Variants in TCF4 observed in about 807,000 individuals in gnomAD.
TCF4 encodes transcription factor 4, also known as SL3-3 enhancer factor 2.
In TCF4, 3 loss-of-function variants were observed where a neutral mutation model predicts 82.1. The observed-to-expected ratio is 0.04, with a 90% CI of 0.02 to 0.09. The LOEUF (loss-of-function observed/expected upper bound fraction) is 0.09, where lower values mean the gene tolerates loss of function less well. Among genes scored for constraint, TCF4 ranks in the 10% least tolerant of loss-of-function variants. The pLI is 1.00. For synonymous variants in TCF4, 276 were observed against 309.6 expected, an observed-to-expected ratio of 0.89 and a Z score of 1.14; for missense variants, 518 against 852.7, an observed-to-expected ratio of 0.61 and a Z score of 4.89.
At chr18:55,509,818 G>A (rs1298990420) in intron 3 of TCF4, among the ~76,000 whole-genome samples, 1 of 152,052 alleles carries the variant, frequency 6.6e-6, no homozygotes, top group East Asian at 1.9e-4. Context: ...AGGGGCGGGG[G>A]GAAATCACAG....
intron 8 of TCF4, among the ~76,000 whole-genome samples, chr18:55,283,988 A>G (rs2063157117): frequency 6.6e-6 from 1 of 152,186 alleles, no homozygotes. Flanking sequence ...TCTTTCCATT[A>G]AAAAATAATT....
chr18:55,320,203 A>G (rs990713287), intron 8 of TCF4, among the ~76,000 whole-genome samples: 2 of 152,006 alleles, frequency 1.3e-5, no homozygotes, highest in African/African-American at 4.8e-5. Context: ...AAAAAAAAAA[A>G]GATGTTACAT....
intron 6 of TCF4, among the ~76,000 whole-genome samples, chr18:55,362,626 C>A (rs1433461400): frequency 1.3e-5 from 2 of 152,064 alleles, no homozygotes; most frequent in African/African-American, 4.8e-5. Context: ...TTATAACCAG[C>A]CTTAAATGCT....
At chr18:55,405,864 A>G (rs1374011557) in intron 5 of TCF4, among the ~76,000 whole-genome samples, 1 of 152,236 alleles carries the variant, frequency 6.6e-6, no homozygotes, top group Non-Finnish European at 1.5e-5. Flanking sequence ...CTATCATATC[A>G]GATACAGACT....
intron 11 of TCF4, chr18:55,267,973 C>T (rs918650582): frequency 1.3e-5 from 2 of 152,108 alleles, no homozygotes; most frequent in Admixed American, 6.6e-5. Flanking sequence ...TCCTGTTCAT[C>T]CACAAACTAA....
chr18:55,558,166 C>G (rs114345755), intron 3 of TCF4, among the ~76,000 whole-genome samples: 4 of 152,046 alleles, frequency 2.6e-5, no homozygotes, highest in African/African-American at 9.7e-5. Context: ...GAGCTAGGAT[C>G]CTACTACTGT....
intron 9 of TCF4, among the ~76,000 whole-genome samples, chr18:55,276,924 G>A (rs546621498): frequency 6.6e-6 from 1 of 152,278 alleles, no homozygotes; most frequent in South Asian, 2.1e-4. Flanking sequence ...TTCATATTGG[G>A]AGGAATAGTT....
chr18:55,595,759 G>GT (rs2097690247), intron 2 of TCF4, among the ~76,000 whole-genome samples: 1 of 152,174 alleles, frequency 6.6e-6, no homozygotes, highest in Non-Finnish European at 1.5e-5. Flanking sequence ...TCATAAAACT[G>GT]TTTTTTCTAT....
At chr18:55,554,174 C>T (rs2097283847) in intron 3 of TCF4, among the ~76,000 whole-genome samples, 1 of 151,970 alleles carries the variant, frequency 6.6e-6, no homozygotes, top group African/African-American at 2.4e-5. Flanking sequence ...GGATTATAAA[C>T]ATTATATATT....
At chr18:55,580,089 C>T (rs1391030159) in intron 3 of TCF4, among the ~76,000 whole-genome samples, 1 of 151,968 alleles carries the variant, frequency 6.6e-6, no homozygotes, top group Admixed American at 6.6e-5. Context: ...TTAAGCATTT[C>T]AGTTTCAACA....
At chr18:55,440,198 G>A (rs889040664) in intron 5 of TCF4, among the ~76,000 whole-genome samples, 7 of 152,116 alleles carry the variant, frequency 4.6e-5, no homozygotes, top group Non-Finnish European at 8.8e-5. Context: ...AGTTTCAAAA[G>A]GGCTAGTCTA....
intron 3 of TCF4, among the ~76,000 whole-genome samples, chr18:55,519,318 C>T (rs561540378): frequency 6.6e-6 from 1 of 151,914 alleles, no homozygotes; most frequent in African/African-American, 2.4e-5. Context: ...CCTGTATTCC[C>T]AGCTACTCAG....
chr18:55,391,955 CTTTTTTTTT>C (rs1212656712), intron 6 of TCF4, among the ~76,000 whole-genome samples: 2 of 61,710 alleles, frequency 3.2e-5, no homozygotes, highest in African/African-American at 1.8e-4. Flanking sequence ...AAAAAAAAAT[CTTTTTTTTT>C]TTTTTTTTTT....
At chr18:55,530,174 G>A (rs1284798426) in intron 3 of TCF4, among the ~76,000 whole-genome samples, 2 of 152,150 alleles carry the variant, frequency 1.3e-5, no homozygotes, top group African/African-American at 4.8e-5. Flanking sequence ...CGGCAATTGT[G>A]GATCTGTACA....
intron 15 of TCF4, among the ~76,000 whole-genome samples, chr18:55,245,168 G>A (rs1266777040): frequency 6.6e-6 from 1 of 152,126 alleles, no homozygotes; most frequent in Non-Finnish European, 1.5e-5. Flanking sequence ...CACTCCTAAA[G>A]CTGCTTTGCC....
intron 3 of TCF4, among the ~76,000 whole-genome samples, chr18:55,505,700 G>A (rs1040955998): frequency 7.3e-5 from 11 of 150,730 alleles, no homozygotes; most frequent in Admixed American, 1.3e-4. Context: ...GCTACTTGGG[G>A]GGCTGAGGCA....
intron 17 of TCF4, chr18:55,229,994 A>G (rs1348247940): frequency 1.3e-5 from 2 of 152,164 alleles, no homozygotes; most frequent in Non-Finnish European, 2.9e-5. Flanking sequence ...AATAAAAAAA[A>G]ATTAGCTGGG....
intron 8 of TCF4, among the ~76,000 whole-genome samples, chr18:55,312,242 G>T (rs929218155): frequency 3.9e-5 from 6 of 152,116 alleles, no homozygotes; most frequent in Non-Finnish European, 8.8e-5. Flanking sequence ...TTCTAATACG[G>T]ATTATCCTGA....
rs569270492 is a variant in TCF4, at chr18:55,456,898, G to C, written c.304+4121C>G. Among the ~76,000 whole-genome samples the C allele has an allele frequency of 2.0e-3, 304 of 152,280 alleles. 1 individual carries two copies. Among genetic ancestry groups the C allele is most frequent in the African/African-American group, 7.0e-3 (291 of 41,560 alleles). ...CAAATTGTTTAAAAACTGCAATGAA[G>C]AAGTCTCCAATAGGTCCAGTGTACA... On this transcript the variant is annotated intron_variant, in intron 5 of 19. Coordinates refer to ENST00000354452, the MANE Select transcript of TCF4 (RefSeq NM_001083962.2).
Sources: allele counts gnomAD v4.1 joint callset (sites outside exome capture counted in the v4.1 genomes callset), GRCh38; gene constraint gnomAD v4.1.1; transcripts MANE v1.5; gene names NCBI Gene and HGNC (gene_info 2026-07-23, HGNC 2026-07-21).